The following CMSS1 variants were observed in gnomAD, a reference collection of about 807,000 sequenced individuals.
CMSS1 encodes the protein protein CMSS1.
CMSS1 carries 33 observed loss-of-function variants against 43.5 expected under a neutral mutation model. The observed-to-expected ratio is 0.76, with a 90% CI of 0.57 to 1.01. The LOEUF is 1.01. Among genes scored for constraint, CMSS1 ranks in the 50% least tolerant of loss-of-function variants. The pLI, the probability that CMSS1 is intolerant of heterozygous loss-of-function variation, is 0.00. For synonymous variants in CMSS1, 115 were observed against 117.2 expected (o/e 0.98, Z 0.12); for missense variants, 313 against 326.4 (o/e 0.96, Z 0.32).
intron 1 of CMSS1, among the ~76,000 whole-genome samples, chr3:100,100,202 T>C (rs1195636805): frequency 2.0e-5 from 3 of 152,108 alleles, no homozygotes; most frequent in African/African-American, 4.8e-5. Flanking sequence ...GGGGCACAAG[T>C]AGCCTTCTCC....
chr3:100,115,575 GTCTCTCTCTCTCTCTCTCTC>G (rs66793218), intron 1 of CMSS1, among the ~76,000 whole-genome samples: 7,828 of 98,088 alleles, frequency 0.08, 161 homozygotes, highest in African/African-American at 0.12. Flanking sequence ...CTCTCTCTCT[GTCTCTCTCTCTCTCTCTCTC>G]TCTCTCTCTC....
rs371740660 is a variant in CMSS1, at chr3:99,971,148, T to C, written c.64+153105T>C. Among the ~76,000 whole-genome samples the C allele has an allele frequency of 5.1e-4, 77 of 152,144 alleles. 1 individual carries two copies. In the East Asian group the frequency reaches 8.0e-3, roughly 16 times the overall value. Reference sequence around the variant, plus strand: ...GTCAGGAGATCGAGACCATCCTGGCTAACATGGTGAAACCCCGTCTCTACT... The same window carrying C: ...GTCAGGAGATCGAGACCATCCTGGCCAACATGGTGAAACCCCGTCTCTACT... On this transcript the variant is annotated intron_variant, in intron 1 of 9. Coordinates refer to ENST00000421999, the MANE Select transcript of CMSS1 (RefSeq NM_032359.4).
chr3:99,821,998 A>G (rs139465960), intron 1 of CMSS1, among the ~76,000 whole-genome samples: 1 of 152,224 alleles, frequency 6.6e-6, no homozygotes, highest in African/African-American at 2.4e-5. Context: ...ACGAGCCAAG[A>G]TCGCACCACT....
rs1291319014 is a variant in CMSS1 at position 100,180,477 on chromosome 3, C to T, written c.*2089C>T. 1.3e-5 allele frequency: 2 copies of T among 152,350 alleles called. No homozygotes were observed. Among genetic ancestry groups the T allele is most frequent in the East Asian group, 3.9e-4 (2 of 5,188 alleles). 9.4% of individuals were successfully genotyped at this position (152,350 alleles called of 1,614,324 possible). On this transcript the variant is annotated 3_prime_UTR_variant, in exon 10 of 10. Coordinates refer to ENST00000421999, the MANE Select transcript of CMSS1 (RefSeq NM_032359.4). ...GCTGCTTAGAAATTTCTGCCGGATA[C>T]CCTAAGTCATCTCTCCCAAGTTCAA... is the stretch of plus-strand genomic sequence containing the variant.
chr3:100,087,261 A>G (rs1213804205), intron 1 of CMSS1, among the ~76,000 whole-genome samples: 1 of 152,236 alleles, frequency 6.6e-6, no homozygotes, highest in African/African-American at 2.4e-5. Context: ...AGCATCTTAT[A>G]AAGAACTGCC....
intron 1 of CMSS1, among the ~76,000 whole-genome samples, chr3:99,854,755 A>T (rs1943875670): frequency 6.6e-6 from 1 of 152,192 alleles, no homozygotes; most frequent in Non-Finnish European, 1.5e-5. Flanking sequence ...TGTGTATGTC[A>T]GTCTGTCAGT....
chr3:100,156,919 T>TTTG (rs986731857), intron 2 of CMSS1, among the ~76,000 whole-genome samples: 40 of 152,092 alleles, frequency 2.6e-4, no homozygotes, highest in Middle Eastern at 3.4e-3. Flanking sequence ...CTGGCTGTTT[T>TTTG]TTGTTGTTGT....
At chr3:99,859,671 C>G (rs974834585) in intron 1 of CMSS1, among the ~76,000 whole-genome samples, 18 of 152,092 alleles carry the variant, frequency 1.2e-4, no homozygotes, top group Non-Finnish European at 2.2e-4. Context: ...AACTGTGTTG[C>G]GTTGATAGTA....
chr3:100,014,420 T>A (rs1401199355), intron 1 of CMSS1, among the ~76,000 whole-genome samples: 1 of 152,060 alleles, frequency 6.6e-6, no homozygotes, highest in Non-Finnish European at 1.5e-5. Context: ...ACCTGCAGAC[T>A]TATTTTCTGT....
intron 1 of CMSS1, among the ~76,000 whole-genome samples, chr3:99,854,433 C>T (rs995655150): frequency 6.6e-6 from 1 of 152,160 alleles, no homozygotes; most frequent in African/African-American, 2.4e-5. Flanking sequence ...AGGTGCAGAA[C>T]TCTGCAGATC....
chr3:99,957,693 C>CTTTTTTTTTTTTTTTTT (rs779350496), intron 1 of CMSS1, among the ~76,000 whole-genome samples: 225 of 19,886 alleles, frequency 0.011, 55 homozygotes, highest in Non-Finnish European at 0.015. Flanking sequence ...TTCTTTCTTT[C>CTTTTTTTTTTTTTTTTT]TTTTTTTTTT....
At chr3:99,880,442 C>G (rs1390089053) in intron 1 of CMSS1, among the ~76,000 whole-genome samples, 1 of 152,080 alleles carries the variant, frequency 6.6e-6, no homozygotes, top group Non-Finnish European at 1.5e-5. Flanking sequence ...TTATCTGTAG[C>G]CTGAATCTCT....
At chr3:100,096,630 T>G in intron 1 of CMSS1, among the ~76,000 whole-genome samples, 3 of 144,894 alleles carry the variant, frequency 2.1e-5, no homozygotes, top group Admixed American at 7.0e-5. Context: ...TAGTAGGGGG[T>G]GGGGAGGAGA....
chr3:100,153,296 T>G (rs2066938190), intron 2 of CMSS1, among the ~76,000 whole-genome samples: 1 of 152,268 alleles, frequency 6.6e-6, no homozygotes, highest in African/African-American at 2.4e-5. Flanking sequence ...AATGGAATCA[T>G]ACAGTTACAT....
At chr3:100,147,674 C>G (rs2066865524) in intron 2 of CMSS1, among the ~76,000 whole-genome samples, 1 of 152,134 alleles carries the variant, frequency 6.6e-6, no homozygotes, top group South Asian at 2.1e-4. Flanking sequence ...GGGTACAACT[C>G]CTAAAAGGAG....
At chr3:99,948,787 GAA>G (rs779366193) in intron 1 of CMSS1, among the ~76,000 whole-genome samples, 10 of 151,376 alleles carry the variant, frequency 6.6e-5, no homozygotes, top group Admixed American at 1.3e-4. Flanking sequence ...AGAAAGGAAA[GAA>G]AAAGAGAAGA....
At chr3:99,946,904 G>C (rs551502259) in intron 1 of CMSS1, among the ~76,000 whole-genome samples, 49 of 152,258 alleles carry the variant, frequency 3.2e-4, no homozygotes, top group African/African-American at 1.2e-3. Flanking sequence ...GCTAACAGAG[G>C]TGGGCGGATC....
At chr3:99,970,629 A>C (rs1490340172) in intron 1 of CMSS1, among the ~76,000 whole-genome samples, 1 of 152,240 alleles carries the variant, frequency 6.6e-6, no homozygotes, top group Non-Finnish European at 1.5e-5. Flanking sequence ...TTGCATGTAC[A>C]GGGTCACAAG....
chr3:100,027,783 A>G (rs2064953616), intron 1 of CMSS1, among the ~76,000 whole-genome samples: 1 of 152,204 alleles, frequency 6.6e-6, no homozygotes, highest in African/African-American at 2.4e-5. Flanking sequence ...TGGGCAAGCA[A>G]TAAGTCAGAG....
Sources: allele counts gnomAD v4.1 joint callset (sites outside exome capture counted in the v4.1 genomes callset), GRCh38; gene constraint gnomAD v4.1.1; transcripts MANE v1.5; gene names NCBI Gene and HGNC (gene_info 2026-07-23, HGNC 2026-07-21).